The following NFKB1 variants were observed in gnomAD, a reference collection of about 807,000 sequenced individuals.
The protein encoded by NFKB1 is nuclear factor kappa B subunit 1.
In NFKB1, 9 loss-of-function variants were observed where a neutral mutation model predicts 105.1. That is an observed-to-expected ratio of 0.09 (90% CI 0.05 to 0.15). NFKB1 has a LOEUF of 0.15. Ranked by LOEUF, NFKB1 falls within the 10% of genes least tolerant of loss-of-function variation. NFKB1 has a pLI of 1.00. For missense variants in NFKB1, 830 were observed against 1,203.7 expected (o/e 0.69, Z 4.59); for synonymous variants, 440 against 442.2 (o/e 1.00, Z 0.06).
In NFKB1 at chr4:102,613,228, G is replaced by A. The variant is rs547638788; in HGVS notation, c.2593-197G>A. On this transcript the variant is annotated intron_variant, in intron 22 of 23. Transcript: ENST00000226574. ...AAACCACTTCTCTGTGATTTCCTGA[G>A]TGGTCTTTGAGCCGAAACAGGAAAC... Among the ~76,000 whole-genome samples the A allele has an allele frequency of 2.0e-5, 3 of 152,194 alleles. No homozygotes were observed. The South Asian group carries it at 6.2e-4, about 32-fold the overall frequency.
rs867203980 is a variant in NFKB1, at chr4:102,501,545, G to A, written c.-251G>A. 1 of 146,752 alleles carries A rather than the reference G, an allele frequency of 6.8e-6. No homozygotes were observed. The allele number at this position is 146,752 out of a possible 1,614,324, so 9.1% of individuals were successfully genotyped here. ...CGCCGAGGCCGCAGCCGCCCGGCCA[G>A]TAAGGCGGCGCCGCCGCCCGGCCAC... On this transcript the variant is annotated 5_prime_UTR_variant, in exon 1 of 24. Transcript: ENST00000226574.
At chr4:102,588,439 A>C (rs1227402773) in intron 11 of NFKB1, among the ~76,000 whole-genome samples, 2 of 151,996 alleles carry the variant, frequency 1.3e-5, no homozygotes, top group Non-Finnish European at 2.9e-5. Context: ...ACTGCTGTAC[A>C]AAAGCAAAAA....
At chr4:102,533,968 G>A (rs1399140094) in intron 4 of NFKB1, 83 bp downstream of exon 4, 4 of 1,163,806 alleles carry the variant, frequency 3.4e-6, no homozygotes, top group Non-Finnish European at 5.0e-6. Flanking sequence ...TAGTAAATGA[G>A]TTCTATGAAG....
At chr4:102,582,721 T>G (rs1725407452) in intron 9 of NFKB1, 145 bp from the exon 10 acceptor site, 2 of 499,392 alleles carry the variant, frequency 4.0e-6, no homozygotes, top group East Asian at 6.2e-5. Flanking sequence ...TTGTGAAGAT[T>G]TTAAAAGACT....
At chr4:102,598,948 A>C (rs745651102) in intron 15 of NFKB1, among the ~76,000 whole-genome samples, 1 of 152,242 alleles carries the variant, frequency 6.6e-6, no homozygotes, top group Non-Finnish European at 1.5e-5. Context: ...GAGGATCCTC[A>C]TAAGAGCATA....
At chr4:102,551,490 ATT>A (rs1172323651) in intron 5 of NFKB1, among the ~76,000 whole-genome samples, 4 of 152,142 alleles carry the variant, frequency 2.6e-5, no homozygotes, top group Admixed American at 2.6e-4. Flanking sequence ...TGCAAGTGGA[ATT>A]TGACAGGTGT....
At chr4:102,589,504 G>T (rs1725997737) in intron 11 of NFKB1, among the ~76,000 whole-genome samples, 1 of 151,440 alleles carries the variant, frequency 6.6e-6, no homozygotes, top group African/African-American at 2.4e-5. Context: ...GTCTGGAGAT[G>T]CTCAGCTTTT....
chr4:102,591,353 G>A (rs1345908187), intron 11 of NFKB1, among the ~76,000 whole-genome samples: 2 of 150,752 alleles, frequency 1.3e-5, no homozygotes, highest in Non-Finnish European at 2.9e-5. Flanking sequence ...ACAGAAGGTC[G>A]AGGCTGCAGT....
intron 5 of NFKB1, among the ~76,000 whole-genome samples, chr4:102,560,923 G>C (rs531665282): frequency 1.3e-5 from 2 of 152,092 alleles, no homozygotes; most frequent in East Asian, 3.9e-4. Flanking sequence ...GAAGTCATGT[G>C]ATTGGCCCAT....
intron 5 of NFKB1, among the ~76,000 whole-genome samples, chr4:102,561,352 C>T (rs1469233417): frequency 6.8e-6 from 1 of 147,272 alleles, no homozygotes; most frequent in Non-Finnish European, 1.5e-5. Context: ...GGTTTCATGT[C>T]TGTGGCATGA....
At chr4:102,526,187 A>G (rs1740900853) in intron 2 of NFKB1, among the ~76,000 whole-genome samples, 1 of 152,176 alleles carries the variant, frequency 6.6e-6, no homozygotes, top group African/African-American at 2.4e-5. Context: ...CTATTTCCAA[A>G]TAAAGTCACA....
rs1471643896 is a variant in NFKB1 at position 102,578,974 on chromosome 4, C to T, written c.665C>T (p.Pro222Leu). Residue 222 changes from proline to leucine, a missense_variant, in exon 8 of 24, where the codon CCG becomes CTG. Transcript: ENST00000226574. ...VVRLMFTAFL[P>L]DSTGSFTRRL... Reference sequence around the variant, plus strand: ...CGGCTCATGTTTACAGCTTTTCTTCCGGATAGCACTGGCAGCTTCACAAGG... The same window carrying T: ...CGGCTCATGTTTACAGCTTTTCTTCTGGATAGCACTGGCAGCTTCACAAGG... 8 of 1,614,082 alleles carry T rather than the reference C, an allele frequency of 5.0e-6. No individual in the cohort carries two copies. Among genetic ancestry groups the T allele is most frequent in the Admixed American group, 1.7e-5 (1 of 60,008 alleles).
rs755256300 is a variant in NFKB1 at position 102,613,599 on chromosome 4, A to T, written c.2749+18A>T. On this transcript the variant is annotated intron_variant, in intron 23 of 23. Transcript: ENST00000226574. ...GCAAATAGGTAAAAAAAAAGACAAA[A>T]GACAGTGGAGATATTTTCCAGCTCC... The T allele has an allele frequency of 6.2e-7, 1 of 1,607,824 alleles. No individual in the cohort carries two copies. The highest frequency in any genetic ancestry group is 2.2e-5 in the East Asian group (1 of 44,788).
intron 1 of NFKB1, among the ~76,000 whole-genome samples, chr4:102,508,764 G>A (rs1739591725): frequency 6.6e-6 from 1 of 152,070 alleles, no homozygotes; most frequent in Non-Finnish European, 1.5e-5. Flanking sequence ...CAAAGCAAAG[G>A]ATAATGAAAG....
chr4:102,592,595 A>G lies in NFKB1; in HGVS notation c.1067-830A>G, dbSNP rs116560837. Among the ~76,000 whole-genome samples the G allele has an allele frequency of 8.8e-3, 1,342 of 152,320 alleles. 13 individuals are homozygous for G. The highest frequency in any genetic ancestry group is 0.03 in the African/African-American group (1,260 of 41,558). On this transcript the variant is annotated intron_variant, in intron 11 of 23. Transcript: ENST00000226574. ...TGCTTTTTAAGACATTCTGTTGCACACTTAATAGCCTATAGTATAGTGTAA... is the reference window on the plus strand; with the variant it reads ...TGCTTTTTAAGACATTCTGTTGCACGCTTAATAGCCTATAGTATAGTGTAA...
Position 102,606,479 on chromosome 4 carries a change from G to A in NFKB1, c.1753-17G>A. ...TTCACTGCTGACCAGTGAATCTCCTGCCCTTTCACTTTCCAGACGCCCTTG... is the reference window on the plus strand; with the variant it reads ...TTCACTGCTGACCAGTGAATCTCCTACCCTTTCACTTTCCAGACGCCCTTG... On this transcript the variant is annotated splice_polypyrimidine_tract_variant and intron_variant, in intron 16 of 23. Coordinates refer to ENST00000226574, the MANE Select transcript of NFKB1 (RefSeq NM_003998.4). The A allele has an allele frequency of 6.2e-7, 1 of 1,612,916 alleles. No individual in the cohort carries two copies. Among genetic ancestry groups the A allele is most frequent in the Non-Finnish European group, 8.5e-7 (1 of 1,179,472 alleles).
intron 2 of NFKB1, among the ~76,000 whole-genome samples, chr4:102,529,095 T>C (rs1287505816): frequency 6.6e-6 from 1 of 152,196 alleles, no homozygotes; most frequent in Admixed American, 6.6e-5. Flanking sequence ...TCTCTTCATC[T>C]TATTATCATT....
chr4:102,596,197 A>C lies in NFKB1; in HGVS notation c.1360A>C (p.Asn454His). Residue 454 changes from asparagine to histidine, a missense_variant, in exon 14 of 24, where the codon AAC becomes CAC. Asn to His is a moderately conservative substitution (Grantham distance 68). Transcript: ENST00000226574. The stretch of plus-strand genomic sequence containing the variant: ...AGGTTGTGACAAAAGTGATGACAAA[A>C]ACACTGTAAACCTCTTTGGGAAAGT... ...PEGCDKSDDK[N>H]TVNLFGKVIE... 1 of 1,613,340 alleles carries C rather than the reference A, an allele frequency of 6.2e-7. No homozygotes were observed. Among genetic ancestry groups the C allele is most frequent in the Non-Finnish European group, 8.5e-7 (1 of 1,179,384 alleles).
chr4:102,532,338 A>T (rs1176579918), intron 3 of NFKB1, among the ~76,000 whole-genome samples: 1 of 152,198 alleles, frequency 6.6e-6, no homozygotes, highest in African/African-American at 2.4e-5. Flanking sequence ...AGATAAAAAT[A>T]AATTCTCTGG....
Sources: allele counts gnomAD v4.1 joint callset (sites outside exome capture counted in the v4.1 genomes callset), GRCh38; gene constraint gnomAD v4.1.1; transcripts MANE v1.5; gene names NCBI Gene and HGNC (gene_info 2026-07-23, HGNC 2026-07-21).